Variants in CPQ observed in about 807,000 individuals in gnomAD.
CPQ encodes the protein Ser-Met dipeptidase.
A neutral mutation model predicts 45.7 loss-of-function variants in CPQ; 37 were observed. The observed-to-expected ratio is 0.81, with a 90% CI of 0.62 to 1.07. The LOEUF (loss-of-function observed/expected upper bound fraction) is 1.07, where lower values mean the gene tolerates loss of function less well. CPQ is among the 50% of genes least tolerant of loss of function. The pLI, the probability that CPQ is intolerant of heterozygous loss-of-function variation, is 0.00. For missense variants in CPQ, 537 were observed against 572.9 expected (o/e 0.94, Z 0.64); for synonymous variants, 186 against 205.8 (o/e 0.90, Z 0.82).
intron 7 of CPQ, among the ~76,000 whole-genome samples, chr8:97,103,474 C>G (rs768550229): frequency 3.3e-5 from 5 of 152,188 alleles, no homozygotes; most frequent in Non-Finnish European, 5.9e-5. Flanking sequence ...TGTCTTATCT[C>G]TACTTGCTCA....
intron 1 of CPQ, among the ~76,000 whole-genome samples, chr8:96,667,643 C>A (rs1273057988): frequency 6.6e-6 from 1 of 152,126 alleles, no homozygotes; most frequent in African/African-American, 2.4e-5. Context: ...GCCACCGCAC[C>A]TGGCCTTATC....
At chr8:96,851,548 T>G (rs1563512910) in intron 3 of CPQ, among the ~76,000 whole-genome samples, 1 of 152,172 alleles carries the variant, frequency 6.6e-6, no homozygotes, top group Non-Finnish European at 1.5e-5. Flanking sequence ...TGTCCTCACA[T>G]GTGGAAGAAC....
chr8:96,845,256 C>A (rs1221048782), intron 3 of CPQ, among the ~76,000 whole-genome samples: 1 of 152,138 alleles, frequency 6.6e-6, no homozygotes, highest in Admixed American at 6.5e-5. Flanking sequence ...TATCTACCTA[C>A]CTACCTATCT....
chr8:96,662,939 A>C (rs1450659230), intron 1 of CPQ, among the ~76,000 whole-genome samples: 1 of 152,212 alleles, frequency 6.6e-6, no homozygotes, highest in East Asian at 1.9e-4. Flanking sequence ...CAGTGAGCCA[A>C]GATCGCACCA....
At chr8:96,682,233 G>C (rs893953054) in intron 1 of CPQ, among the ~76,000 whole-genome samples, 1 of 152,280 alleles carries the variant, frequency 6.6e-6, no homozygotes, top group East Asian at 1.9e-4. Context: ...CATGTGTTGT[G>C]GGGGGGACCC....
intron 3 of CPQ, among the ~76,000 whole-genome samples, chr8:96,866,289 T>C (rs1391203493): frequency 1.3e-5 from 2 of 152,032 alleles, no homozygotes; most frequent in African/African-American, 4.8e-5. Context: ...CACAGGTTTG[T>C]TGAATGATTT....
chr8:97,008,457 C>T (rs551211867), intron 5 of CPQ, among the ~76,000 whole-genome samples: 7 of 152,210 alleles, frequency 4.6e-5, no homozygotes, highest in Non-Finnish European at 8.8e-5. Context: ...CTGGGTTTCT[C>T]ATTTTTTTCA....
chr8:96,946,007 C>T (rs1366360113), intron 4 of CPQ, among the ~76,000 whole-genome samples: 4 of 152,164 alleles, frequency 2.6e-5, no homozygotes, highest in African/African-American at 9.6e-5. Flanking sequence ...GTCATGCTGA[C>T]CTGTTGATGA....
chr8:96,647,038 G>C (rs1052405806), intron 1 of CPQ, among the ~76,000 whole-genome samples: 1 of 152,192 alleles, frequency 6.6e-6, no homozygotes, highest in African/African-American at 2.4e-5. Flanking sequence ...TATATTCCCA[G>C]TATATCTGGG....
At chr8:96,837,585 G>A (rs1170755003) in intron 3 of CPQ, among the ~76,000 whole-genome samples, 3 of 151,888 alleles carry the variant, frequency 2.0e-5, no homozygotes, top group African/African-American at 7.3e-5. Flanking sequence ...TTTGACCTGT[G>A]TATCCTCATC....
At chr8:97,006,291 G>GTT (rs200063760) in intron 5 of CPQ, among the ~76,000 whole-genome samples, 1 of 151,034 alleles carries the variant, frequency 6.6e-6, no homozygotes, top group African/African-American at 2.4e-5. Flanking sequence ...AAGTTGAGTT[G>GTT]TTTTTTTTTA....
chr8:96,840,172 G>C (rs1208717911), intron 3 of CPQ, among the ~76,000 whole-genome samples: 1 of 152,160 alleles, frequency 6.6e-6, no homozygotes, highest in African/African-American at 2.4e-5. Flanking sequence ...AAAGGAGGTG[G>C]AAAGACTCTC....
At chr8:96,681,609 C>A (rs763011698) in intron 1 of CPQ, among the ~76,000 whole-genome samples, 3 of 152,190 alleles carry the variant, frequency 2.0e-5, no homozygotes, top group South Asian at 2.1e-4. Context: ...GGGGTTGGAA[C>A]CCAACACAGA....
At chr8:96,801,396 A>G (rs1361196560) in intron 2 of CPQ, among the ~76,000 whole-genome samples, 1 of 152,164 alleles carries the variant, frequency 6.6e-6, no homozygotes, top group African/African-American at 2.4e-5. Context: ...TACTCTTTCA[A>G]TGCTTATCCA....
chr8:96,790,113 A>C (rs780447525), intron 2 of CPQ, among the ~76,000 whole-genome samples: 3 of 152,160 alleles, frequency 2.0e-5, no homozygotes, highest in Non-Finnish European at 4.4e-5. Flanking sequence ...TATTTTCAGC[A>C]ACACCCTTAA....
chr8:97,042,136 G>A (rs1460327948), intron 6 of CPQ, among the ~76,000 whole-genome samples: 3 of 152,206 alleles, frequency 2.0e-5, no homozygotes, highest in African/African-American at 7.2e-5. Flanking sequence ...TGGTTGGTAA[G>A]CTATTGATTA....
intron 5 of CPQ, among the ~76,000 whole-genome samples, chr8:96,983,951 T>C (rs189053477): frequency 3.9e-5 from 6 of 152,160 alleles, no homozygotes; most frequent in Non-Finnish European, 7.4e-5. Flanking sequence ...GTCATGTTTA[T>C]TGTGATTACT....
At chr8:97,046,633 C>T (rs1320724252) in intron 6 of CPQ, among the ~76,000 whole-genome samples, 2 of 152,150 alleles carry the variant, frequency 1.3e-5, no homozygotes, top group African/African-American at 4.8e-5. Flanking sequence ...TTTAATAAAA[C>T]TCATCCAATC....
At chr8:96,840,224 G>A (rs1173575829) in intron 3 of CPQ, among the ~76,000 whole-genome samples, 1 of 152,136 alleles carries the variant, frequency 6.6e-6, no homozygotes, top group African/African-American at 2.4e-5. Context: ...ATATATTTGG[G>A]TAAAACACAA....
Sources: gnomAD v4.1 joint callset for allele counts (sites outside exome capture counted in the v4.1 genomes callset) on GRCh38, gnomAD v4.1.1 for gene constraint, MANE v1.5 for transcripts, NCBI Gene and HGNC (gene_info 2026-07-23, HGNC 2026-07-21) for gene names.